Variants in CASD1 observed in about 807,000 individuals in gnomAD.
CASD1 encodes the protein N-acetylneuraminate (7)9-O-acetyltransferase.
Under a neutral mutation model 100.0 loss-of-function variants are expected in CASD1, and 41 were observed. The ratio of observed to expected loss-of-function variants is 0.41; its 90% confidence interval spans 0.32 to 0.53. The LOEUF (loss-of-function observed/expected upper bound fraction) is 0.53, where lower values mean the gene tolerates loss of function less well. Ranked by LOEUF, CASD1 falls within the 20% of genes least tolerant of loss-of-function variation. The pLI, the probability that CASD1 is intolerant of heterozygous loss-of-function variation, is 0.25. For synonymous variants in CASD1, 321 were observed against 315.6 expected, an observed-to-expected ratio of 1.02 and a Z score of -0.18; for missense variants, 774 against 948.7, an observed-to-expected ratio of 0.82 and a Z score of 2.42.
chr7:94,578,940 A>G, the CASD1 span, among the ~76,000 whole-genome samples: 2 of 152,146 alleles, frequency 1.3e-5, no homozygotes, highest in Non-Finnish European at 2.9e-5. Context: ...TGATCATTTA[A>G]TCCAGGTAGC....
the CASD1 span, chr7:94,616,832 A>T: frequency 6.6e-6 from 1 of 152,224 alleles, no homozygotes; most frequent in Non-Finnish European, 1.5e-5. Flanking sequence ...TAGAGCTGGC[A>T]TTGCGTACAA....
intron 3 of CASD1, among the ~76,000 whole-genome samples, chr7:94,526,167 A>G (rs1794554318): frequency 6.6e-6 from 1 of 152,228 alleles, no homozygotes; most frequent in African/African-American, 2.4e-5. Flanking sequence ...CTACAGCAAC[A>G]AACTACTCTA....
the CASD1 span, chr7:94,624,268 A>T: frequency 1.5e-5 from 6 of 398,056 alleles, no homozygotes; most frequent in South Asian, 6.4e-4. Context: ...AAAGAGTAGG[A>T]TAAAACTGAC....
At chr7:94,543,690 G>T (rs987322639) in intron 10 of CASD1, among the ~76,000 whole-genome samples, 2 of 151,454 alleles carry the variant, frequency 1.3e-5, no homozygotes, top group Non-Finnish European at 2.9e-5. Context: ...TTATGCTGTG[G>T]AAATTGTGAT....
the CASD1 span, among the ~76,000 whole-genome samples, chr7:94,582,525 A>G: frequency 6.6e-6 from 1 of 152,112 alleles, no homozygotes; most frequent in African/African-American, 2.4e-5. Context: ...TAGTAAATTT[A>G]AGTTCCTTAT....
chr7:94,629,634 T>C, the CASD1 span: 27 of 1,177,900 alleles, frequency 2.3e-5, no homozygotes, highest in Non-Finnish European at 3.2e-5. Context: ...ATGTTAATGA[T>C]ATTTTATCAT....
At chr7:94,599,108 G>T in the CASD1 span, 20 of 613,632 alleles carry the variant, frequency 3.3e-5, no homozygotes, top group Non-Finnish European at 5.7e-5. Context: ...AACTATTTCA[G>T]AAAGGCATAC....
the CASD1 span, among the ~76,000 whole-genome samples, chr7:94,576,305 A>G: frequency 1.3e-5 from 2 of 152,174 alleles, no homozygotes; most frequent in Non-Finnish European, 2.9e-5. Context: ...CTCAAATCTT[A>G]CACATTTCAA....
At chr7:94,628,284 T>A in the CASD1 span, 1 of 1,611,634 alleles carries the variant, frequency 6.2e-7, no homozygotes, top group African/African-American at 1.3e-5. Flanking sequence ...CCTTTGGATA[T>A]ATCGAAGCCA....
chr7:94,514,297 T>C (rs914314197), intron 1 of CASD1, among the ~76,000 whole-genome samples: 1 of 152,194 alleles, frequency 6.6e-6, no homozygotes, highest in East Asian at 1.9e-4. Flanking sequence ...ATACCTCTTG[T>C]AATGAGACAC....
chr7:94,558,519 C>T (rs1467377274), downstream of CASD1, among the ~76,000 whole-genome samples: 1 of 152,104 alleles, frequency 6.6e-6, no homozygotes, highest in Non-Finnish European at 1.5e-5. Context: ...TAAAGATTGA[C>T]AATTTTGGTT....
intron 16 of CASD1, chr7:94,553,090 C>G (rs1352422866): frequency 4.7e-6 from 2 of 427,448 alleles, no homozygotes; most frequent in South Asian, 3.7e-5. Context: ...TATAATAACT[C>G]ATTAAATGGT....
At chr7:94,532,583 T>C (rs901061287) in intron 5 of CASD1, among the ~76,000 whole-genome samples, 19 of 152,196 alleles carry the variant, frequency 1.2e-4, no homozygotes, top group Admixed American at 3.9e-4. Context: ...TCTGGAAGTT[T>C]CTATTATTTT....
the CASD1 span, among the ~76,000 whole-genome samples, chr7:94,573,758 G>A: frequency 3.3e-5 from 5 of 152,182 alleles, no homozygotes; most frequent in Middle Eastern, 3.4e-3. Flanking sequence ...AGGACTTCCA[G>A]TACTATCTTG....
At chr7:94,525,828 T>A (rs1036419700) in intron 3 of CASD1, among the ~76,000 whole-genome samples, 1 of 152,204 alleles carries the variant, frequency 6.6e-6, no homozygotes, top group Non-Finnish European at 1.5e-5. Flanking sequence ...AGAACAAATT[T>A]TGTTTCATGG....
At chr7:94,593,665 A>T in the CASD1 span, among the ~76,000 whole-genome samples, 1 of 151,932 alleles carries the variant, frequency 6.6e-6, no homozygotes, top group Non-Finnish European at 1.5e-5. Context: ...CATTTTCCTC[A>T]GGCAGTTTAA....
chr7:94,532,194 C>A (rs1313580389), intron 5 of CASD1, among the ~76,000 whole-genome samples: 4 of 151,946 alleles, frequency 2.6e-5, no homozygotes, highest in African/African-American at 9.7e-5. Context: ...GTACCAAACC[C>A]TATGTGTACA....
intron 2 of CASD1, 71 bp downstream of exon 2, chr7:94,517,727 A>T: frequency 1.1e-6 from 1 of 883,720 alleles, no homozygotes; most frequent in Non-Finnish European, 1.8e-6. Context: ...GGGGTTGGTG[A>T]AACAGTACTT....
chr7:94,519,364 G>C (rs1460862509), intron 3 of CASD1, among the ~76,000 whole-genome samples: 1 of 152,152 alleles, frequency 6.6e-6, no homozygotes, highest in East Asian at 1.9e-4. Flanking sequence ...TTAGAATTGT[G>C]AGGGGAGTAG....
Sources: allele counts gnomAD v4.1 joint callset (sites outside exome capture counted in the v4.1 genomes callset), GRCh38; gene constraint gnomAD v4.1.1; transcripts MANE v1.5; gene names NCBI Gene and HGNC (gene_info 2026-07-23, HGNC 2026-07-21).